The following COL25A1 variants were observed in gnomAD, a reference collection of about 807,000 sequenced individuals.
COL25A1 encodes the protein collagen type XXV alpha 1 chain, also known as collagen alpha-1(XXV) chain.
A neutral mutation model predicts 128.4 loss-of-function variants in COL25A1; 103 were observed. The ratio of observed to expected loss-of-function variants is 0.80; its 90% CI spans 0.68 to 0.94. COL25A1 has a LOEUF of 0.94. Ranked by LOEUF, COL25A1 falls within the 40% of genes least tolerant of loss-of-function variation. The pLI is 0.00. For synonymous variants in COL25A1, 279 were observed against 277.2 expected (o/e 1.01, Z -0.06); for missense variants, 745 against 840.0 (o/e 0.89, Z 1.40).
At chr4:109,250,193 T>G (rs2126241753) in intron 3 of COL25A1, among the ~76,000 whole-genome samples, 1 of 152,222 alleles carries the variant, frequency 6.6e-6, no homozygotes, top group South Asian at 2.1e-4. Flanking sequence ...GCTTGATAGA[T>G]TTGCTATAAA....
rs1045790354 is a variant in COL25A1 at position 109,224,590 on chromosome 4, C to G, written c.367+75993G>C. Among the ~76,000 whole-genome samples, 52 of 152,068 alleles carry G rather than the reference C, an allele frequency of 3.4e-4. 1 individual carries two copies. Among genetic ancestry groups the G allele is most frequent in the South Asian group, 2.1e-4 (1 of 4,826 alleles). On this transcript the variant is annotated intron_variant, in intron 3 of 37. Transcript: ENST00000399132. ...ACTTCACTAAAATATGATAGAAATT[C>G]TTGTTTCTACCAACTCAGTAGAAGA...
intron 24 of COL25A1, among the ~76,000 whole-genome samples, chr4:108,854,264 C>A (rs1288833963): frequency 1.3e-5 from 2 of 151,978 alleles, no homozygotes; most frequent in African/African-American, 4.8e-5. Context: ...CCATAAAAAC[C>A]CTAGAAGAAA....
At chr4:109,142,528 C>G (rs1043410000) in intron 3 of COL25A1, among the ~76,000 whole-genome samples, 1 of 151,338 alleles carries the variant, frequency 6.6e-6, no homozygotes, top group African/African-American at 2.4e-5. Flanking sequence ...AAGTCTCCCA[C>G]TATTATTGTG....
intron 19 of COL25A1, among the ~76,000 whole-genome samples, chr4:108,872,557 C>T (rs2125815759): frequency 6.6e-6 from 1 of 152,264 alleles, no homozygotes; most frequent in South Asian, 2.1e-4. Context: ...CTAACCTTCC[C>T]CTGTCCAATT....
At chr4:108,914,314 C>T (rs1010733521) in intron 13 of COL25A1, among the ~76,000 whole-genome samples, 2 of 152,066 alleles carry the variant, frequency 1.3e-5, no homozygotes, top group African/African-American at 4.8e-5. Context: ...CCTTTGAATG[C>T]AGAGAAAAAA....
chr4:108,883,313 C>T (rs540247474), intron 19 of COL25A1, among the ~76,000 whole-genome samples: 16 of 152,174 alleles, frequency 1.1e-4, no homozygotes, highest in South Asian at 2.1e-4. Flanking sequence ...CATGAGCCAC[C>T]GTGCCCGGCC....
intron 11 of COL25A1, among the ~76,000 whole-genome samples, chr4:108,925,508 A>C (rs909236569): frequency 6.6e-6 from 1 of 152,188 alleles, no homozygotes; most frequent in Non-Finnish European, 1.5e-5. Flanking sequence ...AAGAACACCA[A>C]GTAGGCTATC....
chr4:109,003,825 C>A (rs539297726), intron 6 of COL25A1, among the ~76,000 whole-genome samples: 8 of 138,828 alleles, frequency 5.8e-5, no homozygotes, highest in Middle Eastern at 3.8e-3. Flanking sequence ...AACAAAAAAA[C>A]GAAATATAAA....
chr4:108,840,017 G>A (rs1029039495), intron 31 of COL25A1, among the ~76,000 whole-genome samples: 1 of 152,016 alleles, frequency 6.6e-6, no homozygotes, highest in Non-Finnish European at 1.5e-5. Context: ...CGAGGCGGGC[G>A]GATCACTTGG....
At chr4:108,884,051 G>T in intron 19 of COL25A1, 127 bp downstream of exon 19, 1 of 800,178 alleles carries the variant, frequency 1.2e-6, no homozygotes, top group Non-Finnish European at 1.9e-6. Flanking sequence ...AGTTAGTTGA[G>T]ATGGCTGGAG....
intron 31 of COL25A1, chr4:108,834,380 C>G (rs1733528328): frequency 1.3e-6 from 2 of 1,550,492 alleles, no homozygotes; most frequent in Non-Finnish European, 1.7e-6. Context: ...TCCGTCTAAG[C>G]CAGATGCTCC....
chr4:109,028,419 T>A (rs1369295145), intron 5 of COL25A1, among the ~76,000 whole-genome samples: 1 of 151,570 alleles, frequency 6.6e-6, no homozygotes, highest in Non-Finnish European at 1.5e-5. Context: ...CATTCCAACA[T>A]GTAGAAATCA....
intron 12 of COL25A1, among the ~76,000 whole-genome samples, chr4:108,919,750 C>G (rs1156993356): frequency 1.3e-5 from 2 of 151,750 alleles, no homozygotes; most frequent in Non-Finnish European, 1.5e-5. Context: ...TCTTCTCCAT[C>G]AGAATTTGAA....
At chr4:108,998,839 A>G (rs1755048067) in intron 6 of COL25A1, among the ~76,000 whole-genome samples, 1 of 152,236 alleles carries the variant, frequency 6.6e-6, no homozygotes, top group African/African-American at 2.4e-5. Context: ...ATCTTTGACA[A>G]GCCTGACAAA....
chr4:108,930,066 T>C (rs1488657501), intron 11 of COL25A1, among the ~76,000 whole-genome samples: 1 of 152,126 alleles, frequency 6.6e-6, no homozygotes, highest in African/African-American at 2.4e-5. Context: ...TGACAAATGC[T>C]GTGGAGAAGG....
intron 3 of COL25A1, among the ~76,000 whole-genome samples, chr4:109,194,605 G>A (rs1775873657): frequency 6.6e-6 from 1 of 152,040 alleles, no homozygotes. Flanking sequence ...CAATAGGTTA[G>A]GATAGGTAAC....
intron 3 of COL25A1, among the ~76,000 whole-genome samples, chr4:109,203,613 C>T (rs1776745853): frequency 6.6e-6 from 1 of 151,756 alleles, no homozygotes; most frequent in Non-Finnish European, 1.5e-5. Context: ...AGAAAACAAA[C>T]AAAAAGAATC....
In COL25A1 at chr4:108,822,043, A is replaced by ATTTTTTTTTTTTTTTTTTT. The variant is rs10567518; in HGVS notation, c.1845+2130_1845+2131insAAAAAAAAAAAAAAAAAAA. On this transcript the variant is annotated intron_variant, in intron 35 of 37. Transcript: ENST00000399132. ...AAACGTGAGTATCCTCCTAATGGTA[A>ATTTTTTTTTTTTTTTTTTT]TTTTTTTTTTTTTTTTTGGGACAGG... is the stretch of plus-strand genomic sequence containing the variant. 4.7e-3 allele frequency among the ~76,000 whole-genome samples: 422 copies of ATTTTTTTTTTTTTTTTTTT among 89,946 alleles called. 68 individuals carry two copies. Among genetic ancestry groups the ATTTTTTTTTTTTTTTTTTT allele is most frequent in the Non-Finnish European group, 6.8e-3 (318 of 46,820 alleles). 59.0% of individuals were successfully genotyped at this position (89,946 alleles called of 152,430 possible). A position where few individuals can be genotyped will look rare whatever the true frequency, so the allele number is the denominator to read the frequency against.
chr4:109,272,106 T>C lies in COL25A1; in HGVS notation c.367+28477A>G, dbSNP rs149318091. On this transcript the variant is annotated intron_variant, in intron 3 of 37. Transcript: ENST00000399132. ...CAAAAATTAACCAGTCATGGTGGTG[T>C]GTACCTGTAGTTCCTGCTACTCAGG... is the stretch of plus-strand genomic sequence containing the variant. Among the ~76,000 whole-genome samples the C allele has an allele frequency of 8.5e-5, 13 of 152,108 alleles. No individual in the cohort carries two copies. In the East Asian group the frequency reaches 2.5e-3, roughly 29 times the overall value.
Sources: gnomAD v4.1 joint callset for allele counts (sites outside exome capture counted in the v4.1 genomes callset) on GRCh38, gnomAD v4.1.1 for gene constraint, MANE v1.5 for transcripts, NCBI Gene and HGNC (gene_info 2026-07-23, HGNC 2026-07-21) for gene names.